The following THSD7B variants were observed in gnomAD, a reference collection of about 807,000 sequenced individuals.
The protein encoded by THSD7B is thrombospondin type 1 domain containing 7B, also known as thrombospondin type-1 domain-containing protein 7B.
A neutral mutation model predicts 213.6 loss-of-function variants in THSD7B; 138 were observed. The ratio of observed to expected loss-of-function variants is 0.65; its 90% confidence interval spans 0.56 to 0.74. THSD7B has a LOEUF of 0.74. Among genes scored for constraint, THSD7B ranks in the 30% least tolerant of loss-of-function variants. The pLI is 0.00. For missense variants in THSD7B, 1,931 were observed against 1,991.5 expected (o/e 0.97, Z 0.58); for synonymous variants, 742 against 687.0 (o/e 1.08, Z -1.25).
chr2:136,874,912 A>AT (rs1004486993), intron 1 of THSD7B, among the ~76,000 whole-genome samples: 115 of 149,740 alleles, frequency 7.7e-4, no homozygotes, highest in East Asian at 4.7e-3. Context: ...TAGTCATAGC[A>AT]TTTTTTTTTT....
At chr2:136,831,814 A>G (rs1430179565) in intron 1 of THSD7B, among the ~76,000 whole-genome samples, 1 of 152,168 alleles carries the variant, frequency 6.6e-6, no homozygotes, top group Non-Finnish European at 1.5e-5. Context: ...TAGGTATACA[A>G]TCTTCCTTTT....
chr2:137,582,420 G>A (rs908455091), intron 17 of THSD7B, among the ~76,000 whole-genome samples: 1 of 151,964 alleles, frequency 6.6e-6, no homozygotes. Context: ...TCCATGTGCC[G>A]TGTTGGTGTG....
At chr2:137,047,716 A>C (rs1425538195) in intron 2 of THSD7B, among the ~76,000 whole-genome samples, 1 of 152,142 alleles carries the variant, frequency 6.6e-6, no homozygotes, top group Non-Finnish European at 1.5e-5. Context: ...TTTGCAGCTA[A>C]GTCTCCAGGC....
At chr2:137,293,080 G>A (rs1015829099) in intron 12 of THSD7B, among the ~76,000 whole-genome samples, 3 of 151,954 alleles carry the variant, frequency 2.0e-5, no homozygotes, top group Non-Finnish European at 4.4e-5. Flanking sequence ...GGGCCCAGGT[G>A]GTACTTTTCA....
intron 2 of THSD7B, among the ~76,000 whole-genome samples, chr2:137,013,890 G>T (rs1434964424): frequency 6.6e-6 from 1 of 152,126 alleles, no homozygotes; most frequent in African/African-American, 2.4e-5. Flanking sequence ...ATAAGCCTGG[G>T]GTTTACGGGG....
In THSD7B at chr2:137,242,322, T is replaced by A. The variant is rs185891432; in HGVS notation, c.2151-135T>A. On this transcript the variant is annotated intron_variant, in intron 9 of 27. Transcript: ENST00000409968. Reference sequence around the variant, plus strand: ...GAGCGCTTGGGCAAGTAGCTTCACCTCCAGGAGTCTCTCTTCCCTCACCTA... The same window carrying A: ...GAGCGCTTGGGCAAGTAGCTTCACCACCAGGAGTCTCTCTTCCCTCACCTA... 201 of 626,490 alleles carry A rather than the reference T, an allele frequency of 3.2e-4. No homozygotes were observed. The African/African-American group carries it at 3.3e-3, about 10-fold the overall frequency. 38.8% of individuals were successfully genotyped at this position (626,490 alleles called of 1,614,324 possible). A position where few individuals can be genotyped will look rare whatever the true frequency, so the allele number is the denominator to read the frequency against.
chr2:136,829,514 G>C lies in THSD7B; in HGVS notation c.-35-52630G>C, dbSNP rs186436571. On this transcript the variant is annotated intron_variant, in intron 1 of 27. Transcript: ENST00000409968. ...GGGAGAAACTCTTGCACTGCATGGG[G>C]CAGGTGTGCAGTAAATTGTACCAGG... 4.2e-3 allele frequency among the ~76,000 whole-genome samples: 643 copies of C among 152,290 alleles called. 2 individuals carry two copies. Among genetic ancestry groups the C allele is most frequent in the Admixed American group, 4.0e-3 (61 of 15,298 alleles).
At chr2:136,961,163 A>T (rs951697839) in intron 2 of THSD7B, among the ~76,000 whole-genome samples, 2 of 146,316 alleles carry the variant, frequency 1.4e-5, no homozygotes, top group East Asian at 4.2e-4. Flanking sequence ...AAAGATGAAG[A>T]TTTCTGTTTC....
chr2:137,619,411 C>G (rs1682471794), intron 19 of THSD7B, among the ~76,000 whole-genome samples: 1 of 152,218 alleles, frequency 6.6e-6, no homozygotes, highest in South Asian at 2.1e-4. Context: ...CTCTTTAAAC[C>G]AACAGAGTAG....
chr2:137,010,926 G>T (rs1686219083), intron 2 of THSD7B, among the ~76,000 whole-genome samples: 1 of 152,188 alleles, frequency 6.6e-6, no homozygotes, highest in Admixed American at 6.5e-5. Flanking sequence ...TGGGATGAGA[G>T]TGATGAAGAG....
intron 17 of THSD7B, among the ~76,000 whole-genome samples, chr2:137,583,686 C>A (rs1483040747): frequency 6.6e-6 from 1 of 152,076 alleles, no homozygotes; most frequent in African/African-American, 2.4e-5. Flanking sequence ...CTGTTCTGTT[C>A]CATTGGTCTA....
At chr2:137,030,128 T>C (rs1415674992) in intron 2 of THSD7B, among the ~76,000 whole-genome samples, 2 of 152,006 alleles carry the variant, frequency 1.3e-5, no homozygotes, top group African/African-American at 2.4e-5. Flanking sequence ...CATGAGTGTA[T>C]GTAGAGAAGG....
At chr2:136,884,045 C>T (rs1298598319) in intron 2 of THSD7B, among the ~76,000 whole-genome samples, 1 of 152,200 alleles carries the variant, frequency 6.6e-6, no homozygotes, top group African/African-American at 2.4e-5. Context: ...CAATGTATCC[C>T]TTTCCAATCT....
At chr2:136,943,168 G>A (rs1033749461) in intron 2 of THSD7B, among the ~76,000 whole-genome samples, 6 of 152,140 alleles carry the variant, frequency 3.9e-5, no homozygotes, top group African/African-American at 1.4e-4. Context: ...TTCTGTTTAT[G>A]TGATGGATTA....
At chr2:137,516,931 C>G (rs1414600753) in intron 15 of THSD7B, among the ~76,000 whole-genome samples, 1 of 152,190 alleles carries the variant, frequency 6.6e-6, no homozygotes, top group Non-Finnish European at 1.5e-5. Flanking sequence ...CATCCCTGTT[C>G]AACTCTCCTA....
chr2:137,204,154 C>A (rs1235157946), intron 7 of THSD7B, among the ~76,000 whole-genome samples: 2 of 151,968 alleles, frequency 1.3e-5, no homozygotes, highest in African/African-American at 4.8e-5. Flanking sequence ...TTACATGGCA[C>A]CTGGAGTGGG....
chr2:137,170,971 A>T, intron 7 of THSD7B, 33 bp downstream of exon 7: 2 of 1,606,292 alleles, frequency 1.2e-6, no homozygotes, highest in Middle Eastern at 2.2e-4. Flanking sequence ...AGGTGTTAGG[A>T]TGTTAAGTAT....
At chr2:137,222,360 T>C (rs1196034437) in intron 7 of THSD7B, among the ~76,000 whole-genome samples, 1 of 152,224 alleles carries the variant, frequency 6.6e-6, no homozygotes, top group Non-Finnish European at 1.5e-5. Flanking sequence ...ATTCTGTCCA[T>C]TATAATGCAC....
chr2:137,322,825 A>G (rs1684289707), intron 12 of THSD7B, among the ~76,000 whole-genome samples: 1 of 152,208 alleles, frequency 6.6e-6, no homozygotes. Context: ...TCTGTTTGTC[A>G]TAGAGCCTCA....
Sources: allele counts gnomAD v4.1 joint callset (sites outside exome capture counted in the v4.1 genomes callset), GRCh38; gene constraint gnomAD v4.1.1; transcripts MANE v1.5; gene names NCBI Gene and HGNC (gene_info 2026-07-23, HGNC 2026-07-21).